The following PCSK2 variants were observed in gnomAD, a reference collection of about 807,000 sequenced individuals.
PCSK2 encodes the protein neuroendocrine convertase 2.
PCSK2 carries 14 observed loss-of-function variants against 69.7 expected under a neutral mutation model. That is an observed-to-expected ratio of 0.20 (90% CI 0.13 to 0.31). The LOEUF is 0.31. Among genes scored for constraint, PCSK2 ranks in the 10% least tolerant of loss-of-function variants. PCSK2 has a pLI of 1.00. For synonymous variants in PCSK2, 307 were observed against 320.7 expected (o/e 0.96, Z 0.46); for missense variants, 544 against 842.5 (o/e 0.65, Z 4.39).
intron 8 of PCSK2, among the ~76,000 whole-genome samples, chr20:17,452,108 G>A (rs997849093): frequency 2.6e-5 from 4 of 151,734 alleles, no homozygotes; most frequent in Non-Finnish European, 4.4e-5. Flanking sequence ...TCGAACTCCC[G>A]ACCCCAGGTG....
rs564431951 is a variant in PCSK2, at chr20:17,303,976, A to G, written c.282+43632A>G. ...ATATATATACATAATATATAAATAT[A>G]TATTATAACCATATATAGCTATTAC... On this transcript the variant is annotated intron_variant, in intron 2 of 11. Coordinates refer to ENST00000262545, the MANE Select transcript of PCSK2 (RefSeq NM_002594.5). Among the ~76,000 whole-genome samples the G allele has an allele frequency of 8.0e-5, 12 of 149,502 alleles. No individual in the cohort carries two copies. In the South Asian group the frequency reaches 2.5e-3, roughly 31 times the overall value.
At chr20:17,402,896 G>T (rs902843102) in intron 5 of PCSK2, among the ~76,000 whole-genome samples, 15 of 152,060 alleles carry the variant, frequency 9.9e-5, no homozygotes, top group Admixed American at 9.8e-4. Context: ...GGCGGAGCTT[G>T]CAGTGAGCCA....
chr20:17,416,132 A>G (rs569909591), intron 6 of PCSK2, among the ~76,000 whole-genome samples: 5 of 152,248 alleles, frequency 3.3e-5, no homozygotes, highest in Non-Finnish European at 7.3e-5. Flanking sequence ...CTTCATGACT[A>G]AAACACCAAA....
Position 17,350,823 on chromosome 20 carries a change from A to ACCTGAGGTCAGGTGAT in PCSK2, c.283-7492_283-7491insTGATCCTGAGGTCAGG, listed in dbSNP as rs2029959809. 2.0e-5 allele frequency among the ~76,000 whole-genome samples: 3 copies of ACCTGAGGTCAGGTGAT among 152,064 alleles called. No homozygotes were observed. In the South Asian group the frequency reaches 6.2e-4, roughly 32 times the overall value. On this transcript the variant is annotated intron_variant, in intron 2 of 11. Transcript: ENST00000262545. The stretch of plus-strand genomic sequence containing the variant: ...TTTGGGAGGCCGAGGCGGGTGGATC[A>ACCTGAGGTCAGGTGAT]CCTGAGGTCAGGAATTCGAGACCAG...
intron 2 of PCSK2, among the ~76,000 whole-genome samples, chr20:17,283,835 C>T (rs1386216209): frequency 3.7e-4 from 57 of 152,180 alleles, no homozygotes. Context: ...GTTTGCTCAG[C>T]CCCACGTCAG....
chr20:17,347,970 GAA>G (rs1371476249), intron 2 of PCSK2, among the ~76,000 whole-genome samples: 1 of 130,962 alleles, frequency 7.6e-6, no homozygotes, highest in Non-Finnish European at 1.6e-5. Context: ...GAGAAAGAAA[GAA>G]AGAAAGAAAG....
intron 2 of PCSK2, among the ~76,000 whole-genome samples, chr20:17,261,491 C>A (rs891435151): frequency 6.6e-6 from 1 of 152,186 alleles, no homozygotes. Flanking sequence ...TTCCCACCTT[C>A]TCTAAAGAGG....
intron 2 of PCSK2, among the ~76,000 whole-genome samples, chr20:17,279,716 G>A (rs1049773587): frequency 4.6e-5 from 7 of 151,440 alleles, no homozygotes; most frequent in African/African-American, 1.7e-4. Context: ...GAACCCGGGA[G>A]GCAGTGGTTG....
chr20:17,461,290 G>T (rs1310031997), intron 10 of PCSK2, among the ~76,000 whole-genome samples: 1 of 151,830 alleles, frequency 6.6e-6, no homozygotes, highest in Non-Finnish European at 1.5e-5. Context: ...ACTCACAAAT[G>T]CATTATTTTT....
intron 2 of PCSK2, among the ~76,000 whole-genome samples, chr20:17,304,137 C>T (rs1259213123): frequency 6.6e-6 from 1 of 151,890 alleles, no homozygotes; most frequent in Non-Finnish European, 1.5e-5. Context: ...ATAACAATTT[C>T]TTAAGGTGGT....
intron 11 of PCSK2, among the ~76,000 whole-genome samples, chr20:17,475,294 G>A (rs922341619): frequency 2.6e-5 from 4 of 151,566 alleles, no homozygotes; most frequent in Non-Finnish European, 4.4e-5. Context: ...ACCACAGTTA[G>A]CAGCCAATGT....
Position 17,429,472 on chromosome 20 carries a change from G to T in PCSK2, c.658G>T (p.Ala220Ser), listed in dbSNP as rs748165327. The T allele has an allele frequency of 3.7e-5, 59 of 1,613,572 alleles. No homozygotes were observed. Among genetic ancestry groups the T allele is most frequent in the Non-Finnish European group, 4.7e-5 (56 of 1,179,822 alleles). The change falls in exon 7 of 12, where the codon GCC becomes TCC. Residue 220 changes from alanine (A) to serine (S), a missense_variant. Physicochemically the swap from Ala to Ser is moderately conservative, Grantham distance 99. Coordinates refer to ENST00000262545, the MANE Select transcript of PCSK2 (RefSeq NM_002594.5). Reference sequence around the variant, plus strand: ...ATGTGCAGGAGAAGTTTCTGCTGCCGCCAACAACAATATCTGTGGAGTTGG... The same window carrying T: ...ATGTGCAGGAGAAGTTTCTGCTGCCTCCAACAACAATATCTGTGGAGTTGG... Reference protein sequence around the residue: ...TRCAGEVSAAANNNICGVGVA... With the variant: ...TRCAGEVSAASNNNICGVGVA...
chr20:17,227,452 T>A lies in PCSK2; in HGVS notation c.147T>A (p.Val49=), dbSNP rs1327929697. ...HKGGEDKARQ[V]AAEHGFGVRK... ...GGGGAGAGGACAAAGCTCGCCAAGT[T>A]GCAGCAGAACACGGCTTTGGAGTCC... Residue 49 remains valine (V), a synonymous_variant, in exon 1 of 12, where the codon GTT becomes GTA. Coordinates refer to ENST00000262545, the MANE Select transcript of PCSK2 (RefSeq NM_002594.5). 1 of 1,613,952 alleles carries A rather than the reference T, an allele frequency of 6.2e-7. No individual in the cohort carries two copies. Among genetic ancestry groups the A allele is most frequent in the Admixed American group, 1.7e-5 (1 of 60,016 alleles).
rs2030425931 is a variant in PCSK2, at chr20:17,362,400, A to G, written c.505+1760A>G. On this transcript the variant is annotated intron_variant, in intron 4 of 11. Transcript: ENST00000262545. ...AAAAACAACCATATTATTATCTCTC[A>G]CGGTTCTGTGGGTTGCTGGAGTTCA... Among the ~76,000 whole-genome samples the G allele has an allele frequency of 2.0e-5, 3 of 152,122 alleles. No homozygotes were observed. The South Asian group carries it at 6.2e-4, about 32-fold the overall frequency.
chr20:17,461,443 C>A (rs1295434958), intron 10 of PCSK2, among the ~76,000 whole-genome samples: 1 of 152,076 alleles, frequency 6.6e-6, no homozygotes, highest in African/African-American at 2.4e-5. Flanking sequence ...GAGAACGAGA[C>A]CCAGAGAAGT....
rs1200337947 is a variant in PCSK2, at chr20:17,465,009, G to T, written c.1203-317G>T. The T allele has an allele frequency of 3.7e-5, 14 of 378,770 alleles. No homozygotes were observed. In the Admixed American group the frequency reaches 5.2e-4, roughly 14 times the overall value. 23.5% of individuals were successfully genotyped at this position (378,770 alleles called of 1,614,324 possible). A position where few individuals can be genotyped will look rare whatever the true frequency, so the allele number is the denominator to read the frequency against. ...GCACGCTCATCCACAAAGTACATGT[G>T]TTCCAGTTGCTCCACATCTTCAACA... is the stretch of plus-strand genomic sequence containing the variant. On this transcript the variant is annotated intron_variant, in intron 10 of 11. Coordinates refer to ENST00000262545, the MANE Select transcript of PCSK2 (RefSeq NM_002594.5).
intron 5 of PCSK2, among the ~76,000 whole-genome samples, chr20:17,408,475 G>T (rs1270368748): frequency 6.6e-6 from 1 of 152,168 alleles, no homozygotes; most frequent in African/African-American, 2.4e-5. Context: ...TTCTCAGTGG[G>T]AAAAAGGAAG....
chr20:17,413,951 G>A (rs1217943232), intron 6 of PCSK2, among the ~76,000 whole-genome samples: 1 of 152,168 alleles, frequency 6.6e-6, no homozygotes, highest in East Asian at 1.9e-4. Context: ...ATAACGAAAT[G>A]AAGGCAGAAA....
chr20:17,397,107 A>G (rs1200876579), intron 5 of PCSK2, among the ~76,000 whole-genome samples: 2 of 152,218 alleles, frequency 1.3e-5, no homozygotes, highest in Non-Finnish European at 2.9e-5. Context: ...CTAAATCCAA[A>G]TTACACCTTA....
Sources: gnomAD v4.1 joint callset for allele counts (sites outside exome capture counted in the v4.1 genomes callset) on GRCh38, gnomAD v4.1.1 for gene constraint, MANE v1.5 for transcripts, NCBI Gene and HGNC (gene_info 2026-07-23, HGNC 2026-07-21) for gene names.